The following GLIS2 variants were observed in gnomAD, a reference collection of about 807,000 sequenced individuals.
GLIS2 encodes zinc finger protein GLIS2.
A neutral mutation model predicts 35.6 loss-of-function variants in GLIS2; 14 were observed. The ratio of observed to expected loss-of-function variants is 0.39; its 90% CI spans 0.26 to 0.61. The LOEUF (loss-of-function observed/expected upper bound fraction) is 0.61, where lower values mean the gene tolerates loss of function less well. GLIS2 is among the 20% of genes least tolerant of loss of function. The probability of loss-of-function intolerance (pLI) is 0.48; values close to 1 mark genes in which losing one functional copy is unlikely to be tolerated. For missense variants in GLIS2, 675 were observed against 713.4 expected, an observed-to-expected ratio of 0.95 and a Z score of 0.61; for synonymous variants, 368 against 325.1, an observed-to-expected ratio of 1.13 and a Z score of -1.42.
chr16:4,326,940 T>C (rs1231778085), intron 1 of GLIS2, among the ~76,000 whole-genome samples: 1 of 152,138 alleles, frequency 6.6e-6, no homozygotes, highest in Non-Finnish European at 1.5e-5. Flanking sequence ...TTCGTATTTT[T>C]AGTAGAGAGA....
chr16:4,323,492 G>A (rs986368941), intron 1 of GLIS2, among the ~76,000 whole-genome samples: 7 of 152,314 alleles, frequency 4.6e-5, no homozygotes, highest in African/African-American at 1.4e-4. Flanking sequence ...GCAGGGGCCC[G>A]GAGCCACCAG....
intron 1 of GLIS2, among the ~76,000 whole-genome samples, chr16:4,330,106 G>C (rs1488521568): frequency 6.6e-6 from 1 of 152,104 alleles, no homozygotes; most frequent in East Asian, 1.9e-4. Flanking sequence ...GTGAAACGCT[G>C]TCGCTACTAA....
At chr16:4,329,357 T>C (rs1472555947) in intron 1 of GLIS2, among the ~76,000 whole-genome samples, 1 of 152,198 alleles carries the variant, frequency 6.6e-6, no homozygotes, top group African/African-American at 2.4e-5. Context: ...GGCCCATGCA[T>C]GGCCTGGGAG....
chr16:4,337,726 G>C lies in GLIS2; in HGVS notation c.*202G>C. On this transcript the variant is annotated 3_prime_UTR_variant, in exon 7 of 7. Transcript: ENST00000433375. Reference sequence around the variant, plus strand: ...GGGGACCTGGCCTGTCATGCAGGGAGAGCTGTGCTCCTGGGTGCTGAAGCC... The same window carrying C: ...GGGGACCTGGCCTGTCATGCAGGGACAGCTGTGCTCCTGGGTGCTGAAGCC... The C allele has an allele frequency of 1.4e-6, 1 of 717,232 alleles. No individual in the cohort carries two copies. The highest frequency in any genetic ancestry group is 2.4e-6 in the Non-Finnish European group (1 of 421,314). 44.4% of individuals were successfully genotyped at this position (717,232 alleles called of 1,614,324 possible). A position where few individuals can be genotyped will look rare whatever the true frequency, so the allele number is the denominator to read the frequency against.
chr16:4,335,165 G>A lies in GLIS2; in HGVS notation c.628G>A (p.Ala210Thr), dbSNP rs768457255. Residue 210 changes from alanine to threonine, a missense_variant, in exon 5 of 7, where the codon GCC becomes ACC. Physicochemically the swap from Ala to Thr is moderately conservative, Grantham distance 58 (BLOSUM62 0). Transcript: ENST00000433375. The surrounding 1 kb of genome is among the most constrained non-coding windows in gnomAD (Gnocchi z 4.6). ...AGYCCHWEGC[A>T]RHGRGFNARY... ...GTACTGCTGCCACTGGGAGGGCTGC[G>A]CCCGCCATGGCCGAGGTTTCAACGC... 70 of 1,613,170 alleles carry A rather than the reference G, an allele frequency of 4.3e-5. No homozygotes were observed. The highest frequency in any genetic ancestry group is 1.7e-4 in the Admixed American group (10 of 60,020).
chr16:4,334,109 T>C (rs1327726482), intron 3 of GLIS2, among the ~76,000 whole-genome samples: 15 of 151,420 alleles, frequency 9.9e-5, no homozygotes, highest in Non-Finnish European at 1.6e-4. Context: ...CTGGCTACTT[T>C]TGTATTTTTA....
intron 1 of GLIS2, among the ~76,000 whole-genome samples, chr16:4,326,066 A>G (rs1379812255): frequency 6.6e-6 from 1 of 150,820 alleles, no homozygotes; most frequent in African/African-American, 2.4e-5. Context: ...GTGAAACCCT[A>G]TCTCTACTAA....
chr16:4,319,171 G>C (rs2053348301), intron 1 of GLIS2, among the ~76,000 whole-genome samples: 1 of 152,106 alleles, frequency 6.6e-6, no homozygotes, highest in Non-Finnish European at 1.5e-5. Context: ...GCAGAGAAAA[G>C]TGTCCCCTGA....
intron 1 of GLIS2, among the ~76,000 whole-genome samples, chr16:4,323,822 T>G (rs1007443361): frequency 6.6e-6 from 1 of 152,206 alleles, no homozygotes; most frequent in Non-Finnish European, 1.5e-5. Context: ...TGGCAGCTTC[T>G]TTATGGCAGG....
chr16:4,318,659 A>G (rs2053341558), intron 1 of GLIS2, among the ~76,000 whole-genome samples: 2 of 152,144 alleles, frequency 1.3e-5, no homozygotes, highest in Non-Finnish European at 2.9e-5. Flanking sequence ...GCCTGGAGGG[A>G]GGCCTGGACC....
In GLIS2 at chr16:4,332,387, T is replaced by C. The variant is rs551013416; in HGVS notation, c.107T>C (p.Leu36Pro). The C allele has an allele frequency of 6.2e-7, 1 of 1,612,978 alleles. No homozygotes were observed. The highest frequency in any genetic ancestry group is 8.5e-7 in the Non-Finnish European group (1 of 1,179,998). ...RTLGVVRPRA[L>P]HRELGLVDDS... ...CTGGGTGTGGTCCGGCCCCGTGCTC[T>C]GCACAGGGAGCTGGGCCTGGTGGAT... Residue 36 changes from leucine (L) to proline (P), a missense_variant, in exon 2 of 7, where the codon CTG becomes CCG. Around this residue, in one of 3 missense-constraint regions of GLIS2, gnomAD observed 225 missense variants for 238.7 expected, o/e 0.94. Coordinates refer to ENST00000433375, the MANE Select transcript of GLIS2 (RefSeq NM_032575.3). The surrounding 1 kb of genome is among the most constrained non-coding windows in gnomAD (Gnocchi z 5.4).
At position 4,336,928 on chromosome 16, in the gene GLIS2, G is replaced by A. The variant is rs532478795; in HGVS notation, c.979G>A (p.Glu327Lys). 1.2e-6 allele frequency: 2 copies of A among 1,612,598 alleles called. No homozygotes were observed. The highest frequency in any genetic ancestry group is 2.7e-5 in the African/African-American group (2 of 75,062). Residue 327 changes from glutamate to lysine, a missense_variant, in exon 7 of 7, where the codon GAG becomes AAG. Coordinates refer to ENST00000433375, the MANE Select transcript of GLIS2 (RefSeq NM_032575.3). ...HGHFVSHEQQ[E>K]LLQLRPPPKP... ...CCACTTTGTGTCCCACGAGCAGCAA[G>A]AGCTCCTGCAGCTGCGCCCACCCCC...
At chr16:4,315,412 G>A, upstream of GLIS2, 1 of 152,412 alleles carries the variant, frequency 6.6e-6, no homozygotes, top group Non-Finnish European at 1.5e-5. Context: ...AGGCATTCCT[G>A]CCGCCTTCCC....
chr16:4,335,031 G>A lies in GLIS2; in HGVS notation c.523-29G>A, dbSNP rs1260825087. Reference sequence around the variant, plus strand: ...GAGTCTGGGGCAGGTCACCCCGCATGGGCTCAGAACACTTCCCATCCTCCG... The same window carrying A: ...GAGTCTGGGGCAGGTCACCCCGCATAGGCTCAGAACACTTCCCATCCTCCG... On this transcript the variant is annotated intron_variant, in intron 4 of 6. Coordinates refer to ENST00000433375, the MANE Select transcript of GLIS2 (RefSeq NM_032575.3). The surrounding 1 kb of genome is among the most constrained non-coding windows in gnomAD (Gnocchi z 4.6). The A allele has an allele frequency of 6.2e-7, 1 of 1,613,284 alleles. No homozygotes were observed. Among genetic ancestry groups the A allele is most frequent in the Non-Finnish European group, 8.5e-7 (1 of 1,180,024 alleles).
chr16:4,328,127 C>T (rs1405208751), intron 1 of GLIS2: 1 of 152,362 alleles, frequency 6.6e-6, no homozygotes. Context: ...GTGCCCCCAC[C>T]TGACCGAGAG....
intron 1 of GLIS2, chr16:4,329,132 G>C (rs1289357642): frequency 3.3e-5 from 5 of 152,232 alleles, no homozygotes; most frequent in Non-Finnish European, 5.9e-5. Flanking sequence ...GAGGAGCTTC[G>C]GGGAGGCTGG....
At position 4,320,753 on chromosome 16, in the gene GLIS2, A is replaced by T. The variant is rs1295379014; in HGVS notation, c.-67+4499A>T. The stretch of plus-strand genomic sequence containing the variant: ...CCCACCCCAACTTCCAGGCAGACCG[A>T]CTCTGAGCTGGGATGTCCCCTCCCC... On this transcript the variant is annotated intron_variant, in intron 1 of 6. Coordinates refer to ENST00000433375, the MANE Select transcript of GLIS2 (RefSeq NM_032575.3). The surrounding 1 kb of genome is among the most constrained non-coding windows in gnomAD (Gnocchi z 5.6). 6.6e-6 allele frequency among the ~76,000 whole-genome samples: 1 copy of T among 151,552 alleles called. No homozygotes were observed. Among genetic ancestry groups the T allele is most frequent in the African/African-American group, 2.4e-5 (1 of 41,228 alleles).
intron 3 of GLIS2, among the ~76,000 whole-genome samples, 170 bp downstream of exon 3, chr16:4,333,689 C>T (rs1212529474): frequency 6.6e-6 from 1 of 152,222 alleles, no homozygotes; most frequent in Admixed American, 6.5e-5. Flanking sequence ...CTGCCTCTCT[C>T]CTGCCTTCTG....
Position 4,320,643 on chromosome 16 carries a change from C to A in GLIS2, c.-67+4389C>A, listed in dbSNP as rs2053368500. Among the ~76,000 whole-genome samples, 1 of 152,172 alleles carries A rather than the reference C, an allele frequency of 6.6e-6. No homozygotes were observed. Among genetic ancestry groups the A allele is most frequent in the African/African-American group, 2.4e-5 (1 of 41,446 alleles). ...AAGCCTCTCCCCTTCCCTGCATCGTCTGCCTGGGGCTGTCTAGCAAGTCCC... is the reference window on the plus strand; with the variant it reads ...AAGCCTCTCCCCTTCCCTGCATCGTATGCCTGGGGCTGTCTAGCAAGTCCC... On this transcript the variant is annotated intron_variant, in intron 1 of 6. Coordinates refer to ENST00000433375, the MANE Select transcript of GLIS2 (RefSeq NM_032575.3). The surrounding 1 kb of genome is among the most constrained non-coding windows in gnomAD (Gnocchi z 5.6).
Sources: gnomAD v4.1 joint callset for allele counts (sites outside exome capture counted in the v4.1 genomes callset) on GRCh38, gnomAD v4.1.1 for gene constraint, gnomAD v4.1.1 regional missense constraint, Gnocchi (gnomAD v3.1) non-coding constraint, MANE v1.5 for transcripts, NCBI Gene and HGNC (gene_info 2026-07-23, HGNC 2026-07-21) for gene names.